The following FHIT variants were observed in gnomAD, a reference collection of about 807,000 sequenced individuals.
The protein encoded by FHIT is bis(5'-adenosyl)-triphosphatase.
In FHIT, 19 loss-of-function variants were observed where a neutral mutation model predicts 17.9. The ratio of observed to expected loss-of-function variants is 1.06; its 90% CI spans 0.74 to 1.56. The LOEUF is 1.56. Ranked by LOEUF, FHIT falls within the 40% of genes most tolerant of loss-of-function variation. The pLI is 0.00. For missense variants in FHIT, 248 were observed against 189.2 expected, an observed-to-expected ratio of 1.31 and a Z score of -1.82; for synonymous variants, 81 against 69.7, an observed-to-expected ratio of 1.16 and a Z score of -0.81.
intron 5 of FHIT, among the ~76,000 whole-genome samples, chr3:60,178,461 C>G (rs1182213134): frequency 2.6e-5 from 4 of 151,988 alleles, no homozygotes; most frequent in Admixed American, 6.5e-5. Context: ...TGGCGCACAC[C>G]TGTAGTCCCA....
intron 5 of FHIT, among the ~76,000 whole-genome samples, chr3:60,274,494 A>G (rs213347): frequency 0.73 from 111,828 of 152,148 alleles, 41,280 homozygotes; most frequent in East Asian, 0.94. Flanking sequence ...GGATGTATAA[A>G]CTCAAACATT....
At chr3:59,906,713 T>C (rs942185695) in intron 8 of FHIT, among the ~76,000 whole-genome samples, 6 of 152,250 alleles carry the variant, frequency 3.9e-5, no homozygotes, top group African/African-American at 1.4e-4. Context: ...AGGATCTCTC[T>C]TCACATAGTC....
intron 3 of FHIT, among the ~76,000 whole-genome samples, chr3:60,976,894 T>TTA (rs1710279574): frequency 6.7e-6 from 1 of 150,096 alleles, no homozygotes; most frequent in African/African-American, 2.4e-5. Context: ...TTTTTTTTTT[T>TTA]ATTTTTAAAA....
intron 5 of FHIT, among the ~76,000 whole-genome samples, chr3:60,483,406 G>A (rs1463435291): frequency 6.6e-6 from 1 of 152,148 alleles, no homozygotes; most frequent in Non-Finnish European, 1.5e-5. Flanking sequence ...TATCCCTGAT[G>A]AGCATCAATG....
intron 5 of FHIT, among the ~76,000 whole-genome samples, chr3:60,036,765 TTTTGTTTG>T (rs201694249): frequency 2.0e-5 from 3 of 151,938 alleles, no homozygotes; most frequent in Non-Finnish European, 4.4e-5. Flanking sequence ...AGTCAACAGG[TTTTGTTTG>T]TTTGTTTGTT....
At chr3:60,169,747 T>C (rs915893103) in intron 5 of FHIT, among the ~76,000 whole-genome samples, 7 of 152,150 alleles carry the variant, frequency 4.6e-5, no homozygotes, top group African/African-American at 4.8e-5. Flanking sequence ...CCTGGTGACA[T>C]TCCGCAGAAA....
chr3:60,296,163 A>AC (rs1047165173), intron 5 of FHIT, among the ~76,000 whole-genome samples: 111 of 152,114 alleles, frequency 7.3e-4, no homozygotes, highest in African/African-American at 2.6e-3. Context: ...TTTATAAATT[A>AC]CCAATCTTCG....
At chr3:60,625,794 A>G (rs781885934) in intron 4 of FHIT, among the ~76,000 whole-genome samples, 2 of 152,194 alleles carry the variant, frequency 1.3e-5, no homozygotes, top group Non-Finnish European at 2.9e-5. Context: ...TGTTGTTAAG[A>G]CATCATATCT....
intron 5 of FHIT, among the ~76,000 whole-genome samples, chr3:60,083,649 A>G (rs1432820886): frequency 6.6e-6 from 1 of 152,178 alleles, no homozygotes; most frequent in East Asian, 1.9e-4. Context: ...TGGTCCCTCA[A>G]ACCTTTTCTC....
intron 4 of FHIT, among the ~76,000 whole-genome samples, chr3:60,619,002 G>A (rs1213474407): frequency 1.3e-5 from 2 of 149,114 alleles, no homozygotes; most frequent in East Asian, 3.8e-4. Context: ...AGTGGGCCCA[G>A]TATCATACTT....
chr3:60,226,493 A>AAAAAAAAAAAAACAAAAAAC (rs200934161), intron 5 of FHIT, among the ~76,000 whole-genome samples: 1 of 147,058 alleles, frequency 6.8e-6, no homozygotes, highest in Non-Finnish European at 1.5e-5. Context: ...AAAAAAAAAA[A>AAAAAAAAAAAAACAAAAAAC]ACACTGCCTG....
At chr3:60,142,664 G>A (rs1700088649) in intron 5 of FHIT, among the ~76,000 whole-genome samples, 2 of 151,206 alleles carry the variant, frequency 1.3e-5, no homozygotes, top group African/African-American at 4.9e-5. Flanking sequence ...ACTATGCCCG[G>A]CTAACATTTT....
chr3:61,017,693 C>G (rs2032190439), intron 3 of FHIT, among the ~76,000 whole-genome samples: 1 of 152,042 alleles, frequency 6.6e-6, no homozygotes, highest in Non-Finnish European at 1.5e-5. Flanking sequence ...TATAAATGAA[C>G]AAATAAATGA....
intron 4 of FHIT, among the ~76,000 whole-genome samples, chr3:60,547,325 C>T (rs758339676): frequency 5.9e-5 from 9 of 152,036 alleles, no homozygotes; most frequent in African/African-American, 1.4e-4. Flanking sequence ...AACCTCAGTC[C>T]AAGGTTTAGA....
At chr3:60,103,522 A>T (rs1388851063) in intron 5 of FHIT, among the ~76,000 whole-genome samples, 1 of 152,188 alleles carries the variant, frequency 6.6e-6, no homozygotes. Context: ...TTTCTATGGG[A>T]GTGACCAGGA....
chr3:60,876,372 A>T (rs1461963362), intron 3 of FHIT, among the ~76,000 whole-genome samples: 1 of 152,170 alleles, frequency 6.6e-6, no homozygotes, highest in Non-Finnish European at 1.5e-5. Flanking sequence ...ATTTTAGGTT[A>T]AAAAGTTTAA....
chr3:60,057,289 A>C (rs954254537), intron 5 of FHIT, among the ~76,000 whole-genome samples: 1 of 152,172 alleles, frequency 6.6e-6, no homozygotes, highest in African/African-American at 2.4e-5. Flanking sequence ...AAAGTCATAT[A>C]CTAATATGTG....
intron 8 of FHIT, among the ~76,000 whole-genome samples, chr3:59,832,478 G>A (rs1032236009): frequency 6.6e-6 from 1 of 152,116 alleles, no homozygotes; most frequent in African/African-American, 2.4e-5. Context: ...TTGCCCAAAG[G>A]ACTATAAGCA....
intron 7 of FHIT, among the ~76,000 whole-genome samples, chr3:59,996,184 C>T (rs1169246580): frequency 1.3e-5 from 2 of 152,074 alleles, no homozygotes; most frequent in African/African-American, 2.4e-5. Context: ...ATCCTAACAG[C>T]AGGGGGTATT....
Sources: allele counts gnomAD v4.1 joint callset (sites outside exome capture counted in the v4.1 genomes callset), GRCh38; gene constraint gnomAD v4.1.1; transcripts MANE v1.5; gene names NCBI Gene and HGNC (gene_info 2026-07-23, HGNC 2026-07-21).